DNAJC13: variants seen among roughly 807,000 people sequenced by gnomAD.
The protein encoded by DNAJC13 is DnaJ heat shock protein family (Hsp40) member C13.
Under a neutral mutation model 290.5 loss-of-function variants are expected in DNAJC13, and 75 were observed. That is an observed-to-expected ratio of 0.26 (90% CI 0.21 to 0.31). DNAJC13 has a LOEUF of 0.31. Ranked by LOEUF, DNAJC13 falls within the 10% of genes least tolerant of loss-of-function variation. DNAJC13 has a pLI of 1.00. For synonymous variants in DNAJC13, 862 were observed against 892.0 expected, an observed-to-expected ratio of 0.97 and a Z score of 0.60; for missense variants, 2,260 against 2,674.5, an observed-to-expected ratio of 0.85 and a Z score of 3.42.
At chr3:132,500,660 T>TCTGTTTAATTTTGGAACATTGTATATAC in intron 38 of DNAJC13, 134 bp from the exon 39 acceptor site, 1 of 1,212,304 alleles carries the variant, frequency 8.2e-7, no homozygotes, top group East Asian at 2.5e-5. Context: ...GTAAAGACAT[T>TCTGTTTAATTTTGGAACATTGTATATAC]CTGTTTAATT....
intron 48 of DNAJC13, among the ~76,000 whole-genome samples, chr3:132,518,460 C>T (rs1450154138): frequency 6.6e-6 from 1 of 152,132 alleles, no homozygotes; most frequent in African/African-American, 2.4e-5. Flanking sequence ...TCAAGCCATC[C>T]TCCCATCTCA....
chr3:132,527,004 A>G (rs1482910367), intron 53 of DNAJC13, among the ~76,000 whole-genome samples: 1 of 152,228 alleles, frequency 6.6e-6, no homozygotes, highest in African/African-American at 2.4e-5. Flanking sequence ...TCTGTTAGGA[A>G]GAATAAGGCT....
intron 20 of DNAJC13, among the ~76,000 whole-genome samples, chr3:132,470,893 G>T (rs1934209713): frequency 8.1e-6 from 1 of 124,218 alleles, no homozygotes; most frequent in South Asian, 2.7e-4. Context: ...GCGGGGGGCT[G>T]ACCCCCCCAC....
intron 27 of DNAJC13, among the ~76,000 whole-genome samples, chr3:132,483,119 C>T (rs1934735099): frequency 6.6e-6 from 1 of 152,074 alleles, no homozygotes; most frequent in South Asian, 2.1e-4. Context: ...GATTATTTAG[C>T]ACCCCACCTG....
At position 132,503,217 on chromosome 3, in the gene DNAJC13, G is replaced by T. The variant is rs747518598; in HGVS notation, c.4720G>T (p.Val1574Leu). Residue 1574 changes from valine to leucine, a missense_variant, in exon 41 of 56, where the codon GTA becomes TTA. Around this residue, in one of 3 missense-constraint regions of DNAJC13, gnomAD observed 1,494 missense variants for 1,693.7 expected, o/e 0.88. Coordinates refer to ENST00000260818, the MANE Select transcript of DNAJC13 (RefSeq NM_015268.4). ...AACTTAATTTTTTTTATAACAGGAG[G>T]TAGCAAACAGCCTTGCCAAACTGAG... ...QKSEETNQQE[V>L]ANSLAKLSVH... The T allele has an allele frequency of 6.2e-7, 1 of 1,613,168 alleles. No individual in the cohort carries two copies. The highest frequency in any genetic ancestry group is 1.1e-5 in the South Asian group (1 of 90,920).
At position 132,503,328 on chromosome 3, in the gene DNAJC13, G is replaced by A. The variant is rs766112992; in HGVS notation, c.4831G>A (p.Gly1611Ser). 1 of 1,614,106 alleles carries A rather than the reference G, an allele frequency of 6.2e-7. No homozygotes were observed. The highest frequency in any genetic ancestry group is 1.1e-5 in the South Asian group (1 of 91,082). ...ENPTIRKSLA[G>S]MLTPYVARKL... ...TCCAACCATAAGGAAAAGCTTAGCT[G>A]GCATGCTGACACCCTATGTTGCTAG... Residue 1611 changes from glycine (G) to serine (S), a missense_variant, in exon 41 of 56, where the codon GGC becomes AGC. Physicochemically the swap from Gly to Ser is moderately conservative, Grantham distance 56. Around this residue, in one of 3 missense-constraint regions of DNAJC13, gnomAD observed 1,494 missense variants for 1,693.7 expected, o/e 0.88. Transcript: ENST00000260818.
At chr3:132,420,476 G>C (rs1415143391) in intron 1 of DNAJC13, among the ~76,000 whole-genome samples, 4 of 152,162 alleles carry the variant, frequency 2.6e-5, no homozygotes, top group Admixed American at 1.3e-4. Flanking sequence ...ACAGAACCGA[G>C]AGTGCTGCCC....
At chr3:132,452,505 C>T (rs1054705302) in intron 6 of DNAJC13, among the ~76,000 whole-genome samples, 2 of 152,204 alleles carry the variant, frequency 1.3e-5, no homozygotes, top group Admixed American at 1.3e-4. Context: ...GACACTCCTA[C>T]TCTGCCCTTT....
rs925760707 is a variant in DNAJC13, at chr3:132,525,012, T to C, written c.6061-598T>C. ...ACATACCTGCAACATGGTCTAAAAA[T>C]TTCTAGTAATATCATTTGGGACATG... On this transcript the variant is annotated intron_variant, in intron 51 of 55. Transcript: ENST00000260818. Among the ~76,000 whole-genome samples, 10 of 151,902 alleles carry C rather than the reference T, an allele frequency of 6.6e-5. No homozygotes were observed. In the South Asian group the frequency reaches 2.1e-3, roughly 31 times the overall value.
chr3:132,490,810 G>A, intron 31 of DNAJC13, 87 bp from the exon 32 acceptor site: 1 of 1,288,576 alleles, frequency 7.8e-7, no homozygotes, highest in Non-Finnish European at 1.0e-6. Context: ...TTTTCTTAAA[G>A]TGTTCTCTAA....
At position 132,525,909 on chromosome 3, in the gene DNAJC13, G is replaced by A. The variant is rs77595563; in HGVS notation, c.6240+120G>A. The stretch of plus-strand genomic sequence containing the variant: ...TTCTGCCATGTGTCTTTTTGCATAC[G>A]AACCACATGGTATTTTATTAGTTCT... On this transcript the variant is annotated intron_variant, in intron 52 of 55. Transcript: ENST00000260818. 3.9e-3 allele frequency: 4,898 copies of A among 1,247,140 alleles called. 176 individuals carry two copies. The African/African-American group carries it at 0.066, about 17-fold the overall frequency. 77.3% of individuals were successfully genotyped at this position (1,247,140 alleles called of 1,614,324 possible).
chr3:132,517,326 G>C (rs928504813), intron 48 of DNAJC13, among the ~76,000 whole-genome samples: 6 of 152,188 alleles, frequency 3.9e-5, no homozygotes, highest in African/African-American at 1.4e-4. Context: ...ATGATCTCTG[G>C]ATCCATGGTC....
chr3:132,426,888 C>G (rs1939105529), intron 1 of DNAJC13, among the ~76,000 whole-genome samples: 1 of 151,456 alleles, frequency 6.6e-6, no homozygotes, highest in African/African-American at 2.4e-5. Context: ...GGAAACAGTT[C>G]TAACAACTGA....
At chr3:132,466,539 G>T in intron 19 of DNAJC13, 145 bp downstream of exon 19, 1 of 536,598 alleles carries the variant, frequency 1.9e-6, no homozygotes, top group East Asian at 3.4e-5. Context: ...TCTTTATTGA[G>T]GTAAAATTTA....
intron 46 of DNAJC13, among the ~76,000 whole-genome samples, chr3:132,515,695 A>C (rs1935898908): frequency 6.6e-6 from 1 of 152,192 alleles, no homozygotes; most frequent in Non-Finnish European, 1.5e-5. Flanking sequence ...TTAGTCTTAC[A>C]GGGAAAATAG....
At chr3:132,436,962 T>C (rs986372143) in intron 2 of DNAJC13, among the ~76,000 whole-genome samples, 14 of 151,108 alleles carry the variant, frequency 9.3e-5, no homozygotes, top group Non-Finnish European at 2.1e-4. Flanking sequence ...CACTGCAACC[T>C]CTGCCTCATG....
intron 1 of DNAJC13, among the ~76,000 whole-genome samples, chr3:132,427,724 C>A (rs911581340): frequency 2.6e-5 from 4 of 151,992 alleles, no homozygotes; most frequent in African/African-American, 9.7e-5. Context: ...AATTTCCCCC[C>A]AAAATGCTGT....
At chr3:132,446,873 G>C (rs1193041840) in intron 3 of DNAJC13, among the ~76,000 whole-genome samples, 2 of 151,962 alleles carry the variant, frequency 1.3e-5, no homozygotes, top group Non-Finnish European at 2.9e-5. Context: ...TGTAACAAAA[G>C]CATATATAAG....
At position 132,496,665 on chromosome 3, in the gene DNAJC13, T is replaced by C; in HGVS notation, c.4156+2T>C. ...TCCTCTTCAACCGTCATAAAGAAGGTAAGATGTCTGTTCTCAGATTTTAAT... is the reference window on the plus strand; with the variant it reads ...TCCTCTTCAACCGTCATAAAGAAGGCAAGATGTCTGTTCTCAGATTTTAAT... On this transcript the variant is annotated splice_donor_variant, in intron 36 of 55. Transcript: ENST00000260818. LOFTEE classifies it high-confidence loss of function. 6.3e-7 allele frequency: 1 copy of C among 1,599,486 alleles called. No homozygotes were observed. Among genetic ancestry groups the C allele is most frequent in the Non-Finnish European group, 8.5e-7 (1 of 1,174,222 alleles).
Sources: gnomAD v4.1 joint callset for allele counts (sites outside exome capture counted in the v4.1 genomes callset) on GRCh38, gnomAD v4.1.1 for gene constraint, gnomAD v4.1.1 regional missense constraint, MANE v1.5 for transcripts, NCBI Gene and HGNC (gene_info 2026-07-23, HGNC 2026-07-21) for gene names.